Variants in NCOR1 observed in about 807,000 individuals in gnomAD.
NCOR1 encodes the protein nuclear receptor corepressor 1.
In NCOR1, 63 loss-of-function variants were observed where a neutral mutation model predicts 288.1. The observed-to-expected ratio is 0.22, with a 90% confidence interval of 0.18 to 0.27. The LOEUF is 0.27. Ranked by LOEUF, NCOR1 falls within the 10% of genes least tolerant of loss-of-function variation. NCOR1 has a pLI of 1.00. For synonymous variants in NCOR1, 1,007 were observed against 1,065.9 expected (o/e 0.94, Z 1.08); for missense variants, 2,397 against 3,019.2 (o/e 0.79, Z 4.83).
Position 16,101,487 on chromosome 17 carries a change from T to A in NCOR1, c.2453A>T (p.Lys818Ile). ...GSVCDPPPAT[K>I]ADSVDVEVRV... ...CACTTCAACGTCCACAGAGTCAGCT[T>A]TGGTAGCGGGTGGGGGATCACAAAC... Residue 818 changes from lysine to isoleucine, a missense_variant, in exon 20 of 46, where the codon AAA (lysine) becomes ATA (isoleucine). Physicochemically the swap from Lys to Ile is moderately radical, Grantham distance 102 (BLOSUM62 -3). This residue lies in a region of NCOR1 where 1,872 missense variants were observed against 2,187.8 expected (regional missense o/e 0.86). Transcript: ENST00000268712. The A allele has an allele frequency of 1.2e-6, 2 of 1,614,188 alleles. No individual in the cohort carries two copies. The highest frequency in any genetic ancestry group is 2.2e-5 in the South Asian group (2 of 91,078).
intron 10 of NCOR1, among the ~76,000 whole-genome samples, chr17:16,145,622 G>A (rs2077827622): frequency 1.3e-5 from 2 of 151,048 alleles, no homozygotes; most frequent in Admixed American, 1.3e-4. Context: ...CCTCTGCCCG[G>A]CAGCCGCCCC....
At chr17:16,100,621 A>G (rs1448594139) in intron 20 of NCOR1, among the ~76,000 whole-genome samples, 1 of 152,268 alleles carries the variant, frequency 6.6e-6, no homozygotes, top group East Asian at 1.9e-4. Flanking sequence ...AGCCTGGGGA[A>G]GAACGAGACT....
chr17:16,033,426 A>G (rs1972895474), intron 45 of NCOR1, among the ~76,000 whole-genome samples: 1 of 152,074 alleles, frequency 6.6e-6, no homozygotes, highest in South Asian at 2.1e-4. Flanking sequence ...ATTCTTCCCT[A>G]AGAGATCTGA....
intron 3 of NCOR1, among the ~76,000 whole-genome samples, chr17:16,176,347 C>T (rs2153480972): frequency 6.6e-6 from 1 of 152,298 alleles, no homozygotes; most frequent in East Asian, 1.9e-4. Context: ...CGCCTCACTG[C>T]CACCTCCACC....
chr17:16,086,241 A>G (rs1312071909), intron 23 of NCOR1, 41 bp downstream of exon 23: 1 of 1,583,946 alleles, frequency 6.3e-7, no homozygotes, highest in South Asian at 1.1e-5. Flanking sequence ...TAACAAAGCC[A>G]TATTCAACAA....
intron 35 of NCOR1, among the ~76,000 whole-genome samples, chr17:16,063,689 C>T (rs1007920261): frequency 6.6e-6 from 1 of 152,286 alleles, no homozygotes; most frequent in South Asian, 2.1e-4. Context: ...ATTCAAGATG[C>T]TACACAAGCT....
At chr17:16,073,361 T>C in intron 28 of NCOR1, 68 bp downstream of exon 28, 1 of 1,393,794 alleles carries the variant, frequency 7.2e-7, no homozygotes, top group South Asian at 1.7e-5. Context: ...TACAACTTAA[T>C]TCAACAATGC....
intron 37 of NCOR1, among the ~76,000 whole-genome samples, chr17:16,060,802 C>G (rs796220361): frequency 2.0e-5 from 3 of 152,282 alleles, no homozygotes; most frequent in African/African-American, 7.2e-5. Flanking sequence ...TGCAATTCCA[C>G]ATAGAATTAA....
intron 14 of NCOR1, among the ~76,000 whole-genome samples, chr17:16,127,615 A>G (rs1161454160): frequency 3.5e-5 from 5 of 142,720 alleles, no homozygotes; most frequent in East Asian, 2.0e-4. Context: ...ACATATGTGT[A>G]TGTGTATATA....
intron 42 of NCOR1, chr17:16,044,930 T>A: frequency 1.5e-6 from 1 of 661,360 alleles, no homozygotes; most frequent in Non-Finnish European, 2.7e-6. Flanking sequence ...AGGAGTCTGA[T>A]GATGACATGG....
At chr17:16,110,242 G>C (rs1047659905) in intron 18 of NCOR1, among the ~76,000 whole-genome samples, 1 of 151,926 alleles carries the variant, frequency 6.6e-6, no homozygotes, top group African/African-American at 2.4e-5. Flanking sequence ...TGTAGTCCCA[G>C]TTACACAGTA....
chr17:16,087,167 T>C, intron 22 of NCOR1: 2 of 1,303,390 alleles, frequency 1.5e-6, no homozygotes, highest in Non-Finnish European at 2.0e-6. Flanking sequence ...AGGAGTGATA[T>C]TTACCTGGCG....
At chr17:16,197,387 A>G (rs1238357443) in intron 1 of NCOR1, among the ~76,000 whole-genome samples, 1 of 152,088 alleles carries the variant, frequency 6.6e-6, no homozygotes, top group Admixed American at 6.6e-5. Flanking sequence ...TTAAATAAAT[A>G]TACCATCCTC....
chr17:16,212,496 A>G (rs902906493), intron 1 of NCOR1, among the ~76,000 whole-genome samples: 1 of 152,204 alleles, frequency 6.6e-6, no homozygotes, highest in African/African-American at 2.4e-5. Flanking sequence ...TAGTTGTTTT[A>G]TATCATAGTC....
chr17:16,186,747 C>G, intron 2 of NCOR1, 60 bp from the exon 3 acceptor site: 1 of 1,536,736 alleles, frequency 6.5e-7, no homozygotes, highest in Non-Finnish European at 8.9e-7. Flanking sequence ...ATCATGAAAT[C>G]AAAGCAAGTA....
At chr17:16,143,459 C>G in intron 11 of NCOR1, 147 bp downstream of exon 11, 1 of 625,044 alleles carries the variant, frequency 1.6e-6, no homozygotes, top group Non-Finnish European at 2.8e-6. Context: ...TTTAAAAACC[C>G]TTTAACAGAC....
At chr17:16,134,849 G>T (rs1417861774) in intron 14 of NCOR1, among the ~76,000 whole-genome samples, 1 of 152,140 alleles carries the variant, frequency 6.6e-6, no homozygotes, top group African/African-American at 2.4e-5. Flanking sequence ...TGGCAATTAG[G>T]AACAAAACTG....
At chr17:16,113,932 AC>A (rs770623133) in intron 18 of NCOR1, among the ~76,000 whole-genome samples, 9 of 152,030 alleles carry the variant, frequency 5.9e-5, no homozygotes, top group Non-Finnish European at 1.0e-4. Context: ...AACCTATCTT[AC>A]GTTTGGTATA....
chr17:16,054,621 C>A (rs2059707532), intron 40 of NCOR1, among the ~76,000 whole-genome samples: 1 of 152,056 alleles, frequency 6.6e-6, no homozygotes, highest in South Asian at 2.1e-4. Flanking sequence ...AGCTCAATAT[C>A]ACTGATCATT....
Sources: gnomAD v4.1 joint callset for allele counts (sites outside exome capture counted in the v4.1 genomes callset) on GRCh38, gnomAD v4.1.1 for gene constraint, gnomAD v4.1.1 regional missense constraint, MANE v1.5 for transcripts, NCBI Gene and HGNC (gene_info 2026-07-23, HGNC 2026-07-21) for gene names.